The following TSC2 variants were observed in gnomAD, a reference collection of about 807,000 sequenced individuals.
TSC2 encodes TSC complex subunit 2, also known as tuberin.
TSC2 carries 29 observed loss-of-function variants against 202.2 expected under a neutral mutation model. That is an observed-to-expected ratio of 0.14 (90% CI 0.11 to 0.20). TSC2 has a LOEUF of 0.20. Among genes scored for constraint, TSC2 ranks in the 10% least tolerant of loss-of-function variants. The probability of loss-of-function intolerance (pLI) is 1.00; values close to 1 mark genes in which losing one functional copy is unlikely to be tolerated. For missense variants in TSC2, 2,429 were observed against 2,420.0 expected (o/e 1.00, Z -0.08); for synonymous variants, 1,349 against 1,044.0 (o/e 1.29, Z -5.63).
At chr16:2,064,062 C>T (rs1427528693) in intron 14 of TSC2, 1 of 732,412 alleles carries the variant, frequency 1.4e-6, no homozygotes, top group Non-Finnish European at 2.3e-6. Flanking sequence ...GCTCACCAGC[C>T]TTCTGAACGA....
At chr16:2,063,119 T>A in intron 14 of TSC2, 66 bp downstream of exon 14, 1 of 1,527,860 alleles carries the variant, frequency 6.5e-7, no homozygotes. Flanking sequence ...CTGTCTCTGT[T>A]GTGCACGTGC....
intron 20 of TSC2, chr16:2,072,580 C>A: frequency 2.4e-6 from 2 of 825,022 alleles, no homozygotes; most frequent in Non-Finnish European, 3.7e-6. Flanking sequence ...GGTCCCCAGC[C>A]AAGGGCATGT....
rs1164967505 is a variant in TSC2, at chr16:2,057,193, T to TGGGGCGCAGGGCAGTGGAGGCCAG, written c.848+16_848+39dup. On this transcript the variant is annotated intron_variant, in intron 9 of 41. Coordinates refer to ENST00000219476, the MANE Select transcript of TSC2 (RefSeq NM_000548.5). ...ATGGAGGACAGGTGAGTGTGGTGGG[T>TGGGGCGCAGGGCAGTGGAGGCCAG]GGGGCGCAGGGCAGTGGAGGCCAGC... The TGGGGCGCAGGGCAGTGGAGGCCAG allele has an allele frequency of 6.4e-7, 1 of 1,551,358 alleles. No homozygotes were observed. Among genetic ancestry groups the TGGGGCGCAGGGCAGTGGAGGCCAG allele is most frequent in the African/African-American group, 1.4e-5 (1 of 72,992 alleles).
chr16:2,058,927 C>T (rs1474796217), intron 10 of TSC2, 54 bp downstream of exon 10: 15 of 1,578,842 alleles, frequency 9.5e-6, no homozygotes, highest in African/African-American at 4.0e-5. Context: ...GCTCCCCTCA[C>T]GCCTGCCCAC....
chr16:2,060,931 C>A, intron 11 of TSC2, 118 bp downstream of exon 11: 1 of 1,313,872 alleles, frequency 7.6e-7, no homozygotes, highest in Admixed American at 2.0e-5. Context: ...CTGCCAGAAC[C>A]GTGTTCTCTG....
At chr16:2,056,115 C>T (rs1488749464) in intron 6 of TSC2, 81 bp from the exon 7 acceptor site, 3 of 1,583,276 alleles carry the variant, frequency 1.9e-6, no homozygotes, top group Non-Finnish European at 2.6e-6. Flanking sequence ...TTATTGACGT[C>T]ATAGAGTGAC....
At chr16:2,080,416 A>C (rs1392621662) in intron 30 of TSC2, 39 bp downstream of exon 30, 1 of 1,603,734 alleles carries the variant, frequency 6.2e-7, no homozygotes. Context: ...TCTTTCTGCC[A>C]GTCACCCACA....
rs911585648 is a variant in TSC2, at chr16:2,088,819, C to A, written c.*209C>A. 3.0e-6 allele frequency: 2 copies of A among 674,986 alleles called. No individual in the cohort carries two copies. The highest frequency in any genetic ancestry group is 4.9e-6 in the Non-Finnish European group (2 of 408,366). The allele number at this position is 674,986 out of a possible 1,614,324, so 41.8% of individuals were successfully genotyped here. ...CAGAAGTGGTACACAGAAGCAGGCA[C>A]AGCCAGCTCCGAGGGCCTTGAGGCT... On this transcript the variant is annotated 3_prime_UTR_variant, in exon 42 of 42. Coordinates refer to ENST00000219476, the MANE Select transcript of TSC2 (RefSeq NM_000548.5).
In TSC2 at chr16:2,064,307, C is replaced by T. The variant is rs137854145; in HGVS notation, c.1479C>T (p.Leu493=). ...ELINSVVISQ[L]SHIPEDKDHQ... ...TTAACTCAGTGGTCATCTCGCAGCT[C>T]TCCCACATCCCCGAGGATAAAGACC... Residue 493 remains leucine, a synonymous_variant, in exon 15 of 42, where the codon CTC becomes CTT. Coordinates refer to ENST00000219476, the MANE Select transcript of TSC2 (RefSeq NM_000548.5). 4 of 1,613,892 alleles carry T rather than the reference C, an allele frequency of 2.5e-6. No homozygotes were observed. The highest frequency in any genetic ancestry group is 1.7e-5 in the Admixed American group (1 of 60,028).
At chr16:2,062,871 G>A (rs1252989085) in intron 13 of TSC2, 101 bp from the exon 14 acceptor site, 56 of 1,351,952 alleles carry the variant, frequency 4.1e-5, no homozygotes, top group Admixed American at 1.4e-4. Context: ...GCCTGGCCGC[G>A]GGAGGACCCA....
In TSC2 at chr16:2,084,383, C is replaced by T. The variant is rs985829355; in HGVS notation, c.4161C>T (p.Ser1387=). Residue 1387 remains serine, a synonymous_variant, in exon 34 of 42, where the codon TCC becomes TCT. Transcript: ENST00000219476. The part of the protein sequence containing the change: ...QPSQPLSKSS[S]SPELQTLQDI... ...CGCAGCCCCTGAGCAAGTCCAGCTC[C>T]TCTCCCGAGCTGCAGACTCTGCAGG... is the stretch of plus-strand genomic sequence containing the variant. 6 of 1,612,396 alleles carry T rather than the reference C, an allele frequency of 3.7e-6. No homozygotes were observed. Among genetic ancestry groups the T allele is most frequent in the Non-Finnish European group, 5.1e-6 (6 of 1,179,906 alleles).
At position 2,088,106 on chromosome 16, in the gene TSC2, C is replaced by T. The variant is rs200162473; in HGVS notation, c.5127C>T (p.Pro1709=). Residue 1709 remains proline, a synonymous_variant, in exon 40 of 42, where the codon CCC becomes CCT. Coordinates refer to ENST00000219476, the MANE Select transcript of TSC2 (RefSeq NM_000548.5). Reference sequence around the variant, plus strand: ...AGATCGTGTCTGACCGCAACCTGCCCTTCGTGGCCCGCCAGATGGCCCTGC... The same window carrying T: ...AGATCGTGTCTGACCGCAACCTGCCTTTCGTGGCCCGCCAGATGGCCCTGC... ...VAKIVSDRNL[P]FVARQMALHA... 1 of 1,612,990 alleles carries T rather than the reference C, an allele frequency of 6.2e-7. No homozygotes were observed. The highest frequency in any genetic ancestry group is 1.3e-5 in the African/African-American group (1 of 75,056).
rs2084956276 is a variant in TSC2, at chr16:2,050,407, G to A, written c.146G>A (p.Ser49Asn). ...IITAEILREL[S>N]MECGLNNRIR... is the part of the protein sequence containing the mutation. ...TCTTTCATCTCTCTCCAGGAACTGA[G>A]CATGGAATGTGGCCTCAACAATCGC... is the stretch of plus-strand genomic sequence containing the variant. Residue 49 changes from serine to asparagine, a missense_variant, in exon 3 of 42, where the codon AGC becomes AAC. Transcript: ENST00000219476. 1.2e-6 allele frequency: 2 copies of A among 1,613,910 alleles called. No individual in the cohort carries two copies. Among genetic ancestry groups the A allele is most frequent in the Non-Finnish European group, 8.5e-7 (1 of 1,179,932 alleles).
At chr16:2,063,430 C>T in intron 14 of TSC2, 1 of 373,386 alleles carries the variant, frequency 2.7e-6, no homozygotes, top group South Asian at 2.4e-5. Flanking sequence ...TGCGTGATCG[C>T]CAGCCCTGCC....
chr16:2,086,475 C>G, intron 37 of TSC2, 96 bp downstream of exon 37: 1 of 1,512,530 alleles, frequency 6.6e-7, no homozygotes, highest in Non-Finnish European at 9.0e-7. Context: ...ATGGCCCTGG[C>G]ACCCCCACCT....
At chr16:2,080,535 A>G (rs1319368780) in intron 30 of TSC2, 158 bp downstream of exon 30, 75 of 831,136 alleles carry the variant, frequency 9.0e-5, no homozygotes, top group Middle Eastern at 3.7e-4. Context: ...CCACGCTGGA[A>G]CGCAGTGGCG....
chr16:2,051,929 G>A (rs536751414), intron 3 of TSC2, among the ~76,000 whole-genome samples: 12 of 152,336 alleles, frequency 7.9e-5, no homozygotes, highest in Admixed American at 3.9e-4. Context: ...GCTGGGCATG[G>A]TGTCGGGCAC....
chr16:2,051,648 G>A (rs1261693464), intron 3 of TSC2, among the ~76,000 whole-genome samples: 2 of 152,262 alleles, frequency 1.3e-5, no homozygotes, highest in Non-Finnish European at 2.9e-5. Flanking sequence ...GCATTTGTGT[G>A]TGGGAGAGCA....
chr16:2,061,076 C>A (rs2086580956), intron 11 of TSC2: 1 of 515,534 alleles, frequency 1.9e-6, no homozygotes, highest in Non-Finnish European at 3.5e-6. Flanking sequence ...CCACAGTCCG[C>A]AGAGTGACCT....
Sources: allele counts gnomAD v4.1 joint callset (sites outside exome capture counted in the v4.1 genomes callset), GRCh38; gene constraint gnomAD v4.1.1; transcripts MANE v1.5; gene names NCBI Gene and HGNC (gene_info 2026-07-23, HGNC 2026-07-21).